Variants in KIAA1671 observed in about 807,000 individuals in gnomAD.
KIAA1671 encodes the protein uncharacterized protein KIAA1671.
In KIAA1671, 52 loss-of-function variants were observed where a neutral mutation model predicts 131.2. The ratio of observed to expected loss-of-function variants is 0.40; its 90% CI spans 0.32 to 0.50. The LOEUF is 0.50. KIAA1671 is among the 20% of genes least tolerant of loss of function. The pLI, the probability that KIAA1671 is intolerant of heterozygous loss-of-function variation, is 0.73. For synonymous variants in KIAA1671, 1,003 were observed against 961.6 expected (o/e 1.04, Z -0.80); for missense variants, 2,360 against 2,364.2 (o/e 1.00, Z 0.04).
chr22:25,098,828 C>G (rs533328744), intron 6 of KIAA1671, among the ~76,000 whole-genome samples: 1 of 152,328 alleles, frequency 6.6e-6, no homozygotes, highest in African/African-American at 2.4e-5. Flanking sequence ...CTGCCCTCTC[C>G]GCCCACCCCA....
At chr22:25,089,437 G>C (rs940267684) in intron 6 of KIAA1671, among the ~76,000 whole-genome samples, 28 of 151,964 alleles carry the variant, frequency 1.8e-4, no homozygotes, top group African/African-American at 6.8e-4. Flanking sequence ...TCCATGCCCA[G>C]CTAATTTTGT....
chr22:25,115,531 A>G (rs768007169), intron 6 of KIAA1671, among the ~76,000 whole-genome samples: 2 of 152,194 alleles, frequency 1.3e-5, no homozygotes, highest in African/African-American at 2.4e-5. Context: ...ACTAAGAGCA[A>G]GCATAGCCCT....
At position 25,190,700 on chromosome 22, in the gene KIAA1671, A is replaced by G; in HGVS notation, c.5343-2A>G. The G allele has an allele frequency of 6.4e-7, 1 of 1,551,086 alleles. No individual in the cohort carries two copies. The highest frequency in any genetic ancestry group is 8.7e-7 in the Non-Finnish European group (1 of 1,146,394). Reference sequence around the variant, plus strand: ...AGTCTCTTACTGGCTTTGTGGTTTCAGGTCGGATGAACCCTCTCCCCAGTG... The same window carrying G: ...AGTCTCTTACTGGCTTTGTGGTTTCGGGTCGGATGAACCCTCTCCCCAGTG... On this transcript the variant is annotated splice_acceptor_variant, in intron 11 of 12. Transcript: ENST00000358431. LOFTEE classifies it high-confidence loss of function.
intron 6 of KIAA1671, among the ~76,000 whole-genome samples, chr22:25,100,517 G>A (rs1295434561): frequency 6.6e-6 from 1 of 152,140 alleles, no homozygotes; most frequent in African/African-American, 2.4e-5. Flanking sequence ...GTGGTTAAGG[G>A]CCCAGGCTTT....
chr22:25,100,183 CCATT>C (rs1930592592), intron 6 of KIAA1671, among the ~76,000 whole-genome samples: 1 of 152,208 alleles, frequency 6.6e-6, no homozygotes, highest in Non-Finnish European at 1.5e-5. Context: ...CTCTTCCTCT[CCATT>C]CAGCCTGGGC....
chr22:24,959,608 G>A (rs1439826743), intron 1 of KIAA1671, among the ~76,000 whole-genome samples: 1 of 152,042 alleles, frequency 6.6e-6, no homozygotes. Flanking sequence ...TCAATGCAAT[G>A]AATATTTTAT....
At chr22:24,980,011 C>T (rs1376778809) in intron 1 of KIAA1671, among the ~76,000 whole-genome samples, 1 of 150,430 alleles carries the variant, frequency 6.6e-6, no homozygotes, top group Non-Finnish European at 1.5e-5. Flanking sequence ...TGTTGCCAGG[C>T]TGGAGTGCAG....
chr22:25,190,829 C>A, intron 12 of KIAA1671, 45 bp downstream of exon 12: 2 of 1,373,750 alleles, frequency 1.5e-6, no homozygotes, highest in South Asian at 1.2e-5. Context: ...GCCCTGCAGT[C>A]ACAGGAATGG....
chr22:25,140,504 A>G (rs1601350236), intron 6 of KIAA1671, among the ~76,000 whole-genome samples: 1 of 152,060 alleles, frequency 6.6e-6, no homozygotes, highest in Non-Finnish European at 1.5e-5. Context: ...GTCTTCTATA[A>G]TGTGATGCCG....
intron 6 of KIAA1671, among the ~76,000 whole-genome samples, chr22:25,147,296 G>T (rs1601356220): frequency 6.6e-6 from 1 of 151,914 alleles, no homozygotes; most frequent in Non-Finnish European, 1.5e-5. Context: ...AGGTTCAAGT[G>T]ATTCTCCTGC....
In KIAA1671 at chr22:24,957,871, T is replaced by C. The variant is rs140772841; in HGVS notation, c.-208+5099T>C. Among the ~76,000 whole-genome samples the C allele has an allele frequency of 8.1e-3, 1,226 of 151,400 alleles. 22 individuals carry two copies. The highest frequency in any genetic ancestry group is 0.028 in the African/African-American group (1,164 of 41,222). On this transcript the variant is annotated intron_variant, in intron 1 of 12. Coordinates refer to ENST00000358431, the MANE Select transcript of KIAA1671 (RefSeq NM_001145206.2). ...TTTGTTATTTTTATTAGAGACAGGG[T>C]TTCTCCATGTTGGTCAGGCTGGTCT...
intron 10 of KIAA1671, 53 bp downstream of exon 10, chr22:25,181,876 CA>C: frequency 6.5e-7 from 1 of 1,536,350 alleles, no homozygotes; most frequent in East Asian, 2.5e-5. Flanking sequence ...TCAACCTTAG[CA>C]GTGTAAAGAA....
At chr22:25,156,268 G>T (rs943860083) in intron 6 of KIAA1671, among the ~76,000 whole-genome samples, 2 of 151,580 alleles carry the variant, frequency 1.3e-5, no homozygotes, top group Non-Finnish European at 2.9e-5. Flanking sequence ...CTCGTGATCC[G>T]CCCTCCTCGG....
intron 3 of KIAA1671, among the ~76,000 whole-genome samples, chr22:25,029,951 G>T (rs1926186237): frequency 1.3e-5 from 2 of 152,338 alleles, no homozygotes; most frequent in Admixed American, 6.5e-5. Context: ...TTAAGATTGG[G>T]CCTAAGCCTT....
At chr22:25,105,821 G>GC (rs1491324429) in intron 6 of KIAA1671, among the ~76,000 whole-genome samples, 17 of 54,096 alleles carry the variant, frequency 3.1e-4, no homozygotes, top group East Asian at 9.3e-4. Flanking sequence ...TATGAAGTTG[G>GC]GGGGGGGGGG....
intron 6 of KIAA1671, among the ~76,000 whole-genome samples, chr22:25,087,701 G>A (rs1201900885): frequency 6.6e-6 from 1 of 152,240 alleles, no homozygotes; most frequent in Admixed American, 6.5e-5. Context: ...GTGGGGATTT[G>A]TGTGGATGTG....
At chr22:24,986,504 C>A (rs1242992419) in intron 1 of KIAA1671, among the ~76,000 whole-genome samples, 1 of 152,032 alleles carries the variant, frequency 6.6e-6, no homozygotes, top group Admixed American at 6.6e-5. Context: ...AACTCTGTAC[C>A]TGTTCAATAC....
rs59411918 is a variant in KIAA1671 at position 25,074,514 on chromosome 22, A to AAAAAAAAAAAAG, written c.4530+25153_4530+25154insAAAAAAAAGAAA. ...TGTGTCTCAAAAAAAAAAAAAAAAA[A>AAAAAAAAAAAAG]AAAGAAAGAAAGAAATTGAGGCATA... On this transcript the variant is annotated intron_variant, in intron 6 of 12. Coordinates refer to ENST00000358431, the MANE Select transcript of KIAA1671 (RefSeq NM_001145206.2). 1.3e-3 allele frequency among the ~76,000 whole-genome samples: 158 copies of AAAAAAAAAAAAG among 117,378 alleles called. 2 individuals carry two copies. Among genetic ancestry groups the AAAAAAAAAAAAG allele is most frequent in the African/African-American group, 4.4e-3 (120 of 27,184 alleles). 77.0% of individuals were successfully genotyped at this position (117,378 alleles called of 152,430 possible).
intron 6 of KIAA1671, among the ~76,000 whole-genome samples, chr22:25,093,782 C>CTCTG (rs1568951247): frequency 1.7e-4 from 21 of 127,024 alleles, no homozygotes; most frequent in South Asian, 2.7e-4. Context: ...CTCTCTCTCT[C>CTCTG]TCTCTCTCTC....
Sources: allele counts gnomAD v4.1 joint callset (sites outside exome capture counted in the v4.1 genomes callset), GRCh38; gene constraint gnomAD v4.1.1; transcripts MANE v1.5; gene names NCBI Gene and HGNC (gene_info 2026-07-23, HGNC 2026-07-21).